The following ARHGAP24 variants were observed in gnomAD, a reference collection of about 807,000 sequenced individuals.
ARHGAP24 encodes rho GTPase-activating protein 24.
A neutral mutation model predicts 76.4 loss-of-function variants in ARHGAP24; 50 were observed. The observed-to-expected ratio is 0.65, with a 90% CI of 0.52 to 0.83. The LOEUF (loss-of-function observed/expected upper bound fraction) is 0.83, where lower values mean the gene tolerates loss of function less well. ARHGAP24 is among the 40% of genes least tolerant of loss of function. The pLI, the probability that ARHGAP24 is intolerant of heterozygous loss-of-function variation, is 0.00. For missense variants in ARHGAP24, 930 were observed against 914.2 expected (o/e 1.02, Z -0.22); for synonymous variants, 345 against 323.3 (o/e 1.07, Z -0.72).
intron 5 of ARHGAP24, among the ~76,000 whole-genome samples, chr4:85,951,962 A>G (rs1012388150): frequency 5.2e-5 from 7 of 134,780 alleles, no homozygotes; most frequent in African/African-American, 1.9e-4. Flanking sequence ...TTTGAATATT[A>G]TTTAATTTAA....
intron 3 of ARHGAP24, among the ~76,000 whole-genome samples, chr4:85,853,096 G>A (rs1322332585): frequency 1.3e-5 from 2 of 152,238 alleles, no homozygotes; most frequent in African/African-American, 2.4e-5. Flanking sequence ...AGTCTATAGA[G>A]GCAGCAAGCC....
Position 85,995,040 on chromosome 4 carries a change from C to A in ARHGAP24, c.1386C>A (p.Ser462Arg), listed in dbSNP as rs142672228. Residue 462 changes from serine (S) to arginine (R), a missense_variant, in exon 9 of 10, where the codon AGC becomes AGA. By Grantham distance (110) the Ser-to-Arg change is moderately radical. Coordinates refer to ENST00000395184, the MANE Select transcript of ARHGAP24 (RefSeq NM_001025616.3). ...ATGGGAGCCTACAGGCCAGAAGGAG[C>A]TCTTCACTGAAGGTATCTGGTACCA... ...TPNGSLQARR[S>R]SSLKVSGTKM... The A allele has an allele frequency of 2.5e-4, 408 of 1,613,948 alleles. No homozygotes were observed. The highest frequency in any genetic ancestry group is 3.2e-4 in the Non-Finnish European group (376 of 1,180,030).
chr4:85,993,438 T>G (rs1368941554), intron 8 of ARHGAP24, among the ~76,000 whole-genome samples: 1 of 152,182 alleles, frequency 6.6e-6, no homozygotes, highest in Non-Finnish European at 1.5e-5. Context: ...ATTATAAGTT[T>G]TGAATCATCA....
At chr4:85,886,380 C>A (rs1161071787) in intron 3 of ARHGAP24, among the ~76,000 whole-genome samples, 3 of 152,078 alleles carry the variant, frequency 2.0e-5, no homozygotes, top group African/African-American at 7.2e-5. Flanking sequence ...TCAGTTATCA[C>A]CCTGCCTCCA....
chr4:85,796,175 T>C (rs1480123280), intron 3 of ARHGAP24, among the ~76,000 whole-genome samples: 1 of 151,034 alleles, frequency 6.6e-6, no homozygotes, highest in African/African-American at 2.4e-5. Context: ...AGTTGTGAAA[T>C]TTACCCACAG....
At chr4:85,801,204 C>A (rs1728566099) in intron 3 of ARHGAP24, among the ~76,000 whole-genome samples, 1 of 152,030 alleles carries the variant, frequency 6.6e-6, no homozygotes, top group Non-Finnish European at 1.5e-5. Context: ...ATTTGCTAAA[C>A]CTATATCCTA....
intron 6 of ARHGAP24, among the ~76,000 whole-genome samples, chr4:85,974,534 G>T (rs902559702): frequency 1.3e-5 from 2 of 152,150 alleles, no homozygotes; most frequent in African/African-American, 4.8e-5. Context: ...TTCTGCACAT[G>T]CTGAAACTGG....
chr4:85,650,180 G>A (rs1489529388), intron 2 of ARHGAP24, among the ~76,000 whole-genome samples: 1 of 137,556 alleles, frequency 7.3e-6, no homozygotes, highest in Non-Finnish European at 1.5e-5. Flanking sequence ...CCTTTCAAAT[G>A]TTGTGCCATG....
intron 3 of ARHGAP24, among the ~76,000 whole-genome samples, chr4:85,740,939 C>T (rs1725799137): frequency 6.6e-6 from 1 of 152,132 alleles, no homozygotes; most frequent in African/African-American, 2.4e-5. Flanking sequence ...TTATTCTGTT[C>T]ACTATTGTAT....
chr4:85,903,239 T>C lies in ARHGAP24; in HGVS notation c.269-20409T>C, dbSNP rs1004019438. On this transcript the variant is annotated intron_variant, in intron 3 of 9. Coordinates refer to ENST00000395184, the MANE Select transcript of ARHGAP24 (RefSeq NM_001025616.3). ...CTACTTAACTGAACACTTTGATCTTTGGTCAAAAATATCTAAAATCTAAAA... is the reference window on the plus strand; with the variant it reads ...CTACTTAACTGAACACTTTGATCTTCGGTCAAAAATATCTAAAATCTAAAA... 2.6e-5 allele frequency among the ~76,000 whole-genome samples: 4 copies of C among 152,186 alleles called. No homozygotes were observed. In the South Asian group the frequency reaches 8.3e-4, roughly 31 times the overall value.
chr4:85,593,995 A>G (rs2109983016), intron 2 of ARHGAP24, among the ~76,000 whole-genome samples: 1 of 151,920 alleles, frequency 6.6e-6, no homozygotes, highest in Admixed American at 6.6e-5. Flanking sequence ...GAAGAATGTC[A>G]TTGGTATTTT....
At chr4:85,488,487 T>C (rs537097110) in intron 1 of ARHGAP24, among the ~76,000 whole-genome samples, 68 of 152,326 alleles carry the variant, frequency 4.5e-4, no homozygotes, top group Non-Finnish European at 7.5e-4. Context: ...AATAAATTCA[T>C]AGGACTTCAG....
At chr4:85,570,078 C>T (rs1021590956) in intron 1 of ARHGAP24, among the ~76,000 whole-genome samples, 1 of 152,142 alleles carries the variant, frequency 6.6e-6, no homozygotes, top group Non-Finnish European at 1.5e-5. Flanking sequence ...ACCTCTAGAA[C>T]TTACTTATTT....
chr4:85,784,985 A>C (rs1476285981), intron 3 of ARHGAP24, among the ~76,000 whole-genome samples: 2 of 151,902 alleles, frequency 1.3e-5, no homozygotes, highest in Admixed American at 1.3e-4. Flanking sequence ...CTGCTTTCCT[A>C]TCTAGATATA....
intron 1 of ARHGAP24, among the ~76,000 whole-genome samples, chr4:85,485,017 G>T (rs1722963754): frequency 6.6e-6 from 1 of 152,020 alleles, no homozygotes; most frequent in Non-Finnish European, 1.5e-5. Flanking sequence ...GAAAAGACTT[G>T]AAGGTGTTCT....
At chr4:85,716,136 A>G (rs1311456179) in intron 2 of ARHGAP24, among the ~76,000 whole-genome samples, 1 of 152,002 alleles carries the variant, frequency 6.6e-6, no homozygotes, top group African/African-American at 2.4e-5. Context: ...GCTATTACAC[A>G]TGCATGTTTT....
chr4:85,847,170 G>A (rs1730940104), intron 3 of ARHGAP24, among the ~76,000 whole-genome samples: 1 of 152,112 alleles, frequency 6.6e-6, no homozygotes, highest in South Asian at 2.1e-4. Context: ...TTGACTTGAT[G>A]ATCTGCAATG....
At chr4:85,834,159 A>G (rs891399587) in intron 3 of ARHGAP24, among the ~76,000 whole-genome samples, 2 of 152,208 alleles carry the variant, frequency 1.3e-5, no homozygotes, top group African/African-American at 4.8e-5. Context: ...CAAGAGGTAG[A>G]AAAAGTTGGG....
At chr4:85,722,082 T>C in intron 3 of ARHGAP24, 110 bp downstream of exon 3, 1 of 1,019,060 alleles carries the variant, frequency 9.8e-7, no homozygotes, top group Non-Finnish European at 1.5e-6. Flanking sequence ...GAACCTTAAT[T>C]TGAGGCTTGG....
Sources: gnomAD v4.1 joint callset for allele counts (sites outside exome capture counted in the v4.1 genomes callset) on GRCh38, gnomAD v4.1.1 for gene constraint, MANE v1.5 for transcripts, NCBI Gene and HGNC (gene_info 2026-07-23, HGNC 2026-07-21) for gene names.